The following SLC22A25 variants were observed in gnomAD, a reference collection of about 807,000 sequenced individuals.
SLC22A25 encodes solute carrier family 22 member 25.
Under a neutral mutation model 45.9 loss-of-function variants are expected in SLC22A25, and 44 were observed. The ratio of observed to expected loss-of-function variants is 0.96; its 90% CI spans 0.75 to 1.23. The LOEUF (loss-of-function observed/expected upper bound fraction) is 1.23. SLC22A25 is among the 50% of genes most tolerant of loss of function. The probability of loss-of-function intolerance (pLI) is 0.00; values close to 1 mark genes in which losing one functional copy is unlikely to be tolerated. For synonymous variants in SLC22A25, 283 were observed against 238.6 expected (o/e 1.19, Z -1.72); for missense variants, 800 against 666.4 (o/e 1.20, Z -2.21).
chr11:63,186,341 T>C (rs1030136926), intron 7 of SLC22A25, among the ~76,000 whole-genome samples: 2 of 151,632 alleles, frequency 1.3e-5, no homozygotes, highest in African/African-American at 2.4e-5. Context: ...ATAAATGTCT[T>C]CTTTTGAGAA....
At chr11:63,234,237 T>C (rs1233766353) in intron 3 of SLC22A25, among the ~76,000 whole-genome samples, 1 of 152,158 alleles carries the variant, frequency 6.6e-6, no homozygotes, top group African/African-American at 2.4e-5. Flanking sequence ...GACAGTGGGG[T>C]GTTAAAGTCT....
rs781533510 is a variant in SLC22A25 at position 63,217,452 on chromosome 11, G to A, written c.692C>T (p.Ala231Val). The A allele has an allele frequency of 1.2e-6, 2 of 1,614,044 alleles. No individual in the cohort carries two copies. Among genetic ancestry groups the A allele is most frequent in the Non-Finnish European group, 1.7e-6 (2 of 1,179,994 alleles). The stretch of plus-strand genomic sequence containing the variant: ...ACAAAGTGTCAATGTCAATGCCATG[G>A]CACAGAATTGGTGAGTTATCCACTC... Reference protein sequence around the residue: ...IVEWITHQFCAMALTLTLCAA... With the variant: ...IVEWITHQFCVMALTLTLCAA... The change falls in exon 7 of 12, where the codon GCC becomes GTC. Residue 231 changes from alanine to valine, a missense_variant. Ala to Val is a moderately conservative substitution (Grantham distance 64, BLOSUM62 0). Transcript: ENST00000306494.
rs114437066 is a variant in SLC22A25 at position 63,179,979 on chromosome 11, T to A, written c.1070+681A>T. Among the ~76,000 whole-genome samples the A allele has an allele frequency of 3.4e-3, 513 of 152,272 alleles. 2 individuals are homozygous for A. The highest frequency in any genetic ancestry group is 0.012 in the African/African-American group (491 of 41,574). On this transcript the variant is annotated intron_variant, in intron 9 of 11. Coordinates refer to ENST00000306494, the MANE Select transcript of SLC22A25 (RefSeq NM_199352.6). The stretch of plus-strand genomic sequence containing the variant: ...TCTTTCCTTCCCTGTGAGGGAAAAG[T>A]CATAGGCCAGGGTGTCCTCTCTTGG...
intron 9 of SLC22A25, among the ~76,000 whole-genome samples, chr11:63,171,171 A>G (rs999097642): frequency 6.6e-6 from 1 of 152,198 alleles, no homozygotes; most frequent in African/African-American, 2.4e-5. Flanking sequence ...TCAAAATAAT[A>G]AGAGCTATTT....
At chr11:63,240,087 C>T (rs1056190736) in intron 1 of SLC22A25, among the ~76,000 whole-genome samples, 4 of 152,246 alleles carry the variant, frequency 2.6e-5, no homozygotes, top group South Asian at 2.1e-4. Flanking sequence ...TCATATCCTG[C>T]AAACCTGTAC....
At chr11:63,165,971 A>G in intron 10 of SLC22A25, 73 bp downstream of exon 10, 2 of 1,525,426 alleles carry the variant, frequency 1.3e-6, no homozygotes, top group Non-Finnish European at 1.8e-6. Flanking sequence ...GGCTTCAGAT[A>G]GGTGTGACCA....
rs528333953 is a variant in SLC22A25 at position 63,219,177 on chromosome 11, G to C, written c.507-1442C>G. Among the ~76,000 whole-genome samples, 3 of 152,222 alleles carry C rather than the reference G, an allele frequency of 2.0e-5. No homozygotes were observed. In the South Asian group the frequency reaches 6.2e-4, roughly 32 times the overall value. On this transcript the variant is annotated intron_variant, in intron 5 of 11. Coordinates refer to ENST00000306494, the MANE Select transcript of SLC22A25 (RefSeq NM_199352.6). ...GAATAAATTTAATGGAAAAATGCATGACTTTTTTCTATAAACCATAAAATA... is the reference window on the plus strand; with the variant it reads ...GAATAAATTTAATGGAAAAATGCATCACTTTTTTCTATAAACCATAAAATA...
At chr11:63,192,729 A>T (rs191198186) in intron 7 of SLC22A25, among the ~76,000 whole-genome samples, 87 of 152,328 alleles carry the variant, frequency 5.7e-4, no homozygotes, top group Non-Finnish European at 5.4e-4. Context: ...ACAAACATGA[A>T]ATAGAGAAAG....
intron 7 of SLC22A25, among the ~76,000 whole-genome samples, chr11:63,185,308 C>T (rs2134741193): frequency 6.6e-6 from 1 of 151,888 alleles, no homozygotes; most frequent in South Asian, 2.1e-4. Context: ...CCACAACAGG[C>T]CCTGGTGAGT....
At chr11:63,180,341 C>G (rs1269616558) in intron 9 of SLC22A25, among the ~76,000 whole-genome samples, 1 of 152,054 alleles carries the variant, frequency 6.6e-6, no homozygotes. Context: ...ATATGATTTG[C>G]TGTTTATAAA....
chr11:63,166,978 C>T (rs370961357), intron 9 of SLC22A25: 40 of 499,632 alleles, frequency 8.0e-5, no homozygotes, highest in Non-Finnish European at 1.0e-4. Flanking sequence ...CTGAGGTACC[C>T]GGTTCATCTC....
At chr11:63,219,955 G>A in intron 5 of SLC22A25, 1 of 1,289,278 alleles carries the variant, frequency 7.8e-7, no homozygotes. Context: ...GCTGGTGGAT[G>A]GCAATGGGCA....
chr11:63,166,009 A>G, intron 10 of SLC22A25, 35 bp downstream of exon 10: 2 of 1,607,416 alleles, frequency 1.2e-6, no homozygotes, highest in South Asian at 2.2e-5. Context: ...AGAGGGAAAG[A>G]CATTTTCTTT....
intron 7 of SLC22A25, among the ~76,000 whole-genome samples, chr11:63,211,927 G>C (rs1177936232): frequency 6.6e-6 from 1 of 152,022 alleles, no homozygotes; most frequent in Admixed American, 6.5e-5. Context: ...ATCTGACAAA[G>C]GGCTAATATC....
In SLC22A25 at chr11:63,217,371, T is replaced by C. The variant is rs1565113215; in HGVS notation, c.773A>G (p.Gln258Arg). ...AGACATCACCAACTGGAGGATGCAC[T>C]GGTCTCGAATGACAAAAGCCAGGCT... ...LGSLAFVIRD[Q>R]CILQLVMSAP... Residue 258 changes from glutamine (Q) to arginine (R), a missense_variant, in exon 7 of 12, where the codon CAG (glutamine) becomes CGG (arginine). Physicochemically the swap from Gln to Arg is conservative, Grantham distance 43 (BLOSUM62 1). Transcript: ENST00000306494. 3.1e-6 allele frequency: 5 copies of C among 1,614,010 alleles called. No homozygotes were observed. The highest frequency in any genetic ancestry group is 4.2e-6 in the Non-Finnish European group (5 of 1,180,000).
At chr11:63,179,654 G>A (rs984664018) in intron 9 of SLC22A25, among the ~76,000 whole-genome samples, 5 of 152,074 alleles carry the variant, frequency 3.3e-5, no homozygotes, top group African/African-American at 4.8e-5. Context: ...TGCGTGTGGG[G>A]TCCTACTGGC....
At chr11:63,185,306 G>C (rs1457042670) in intron 7 of SLC22A25, among the ~76,000 whole-genome samples, 1 of 151,638 alleles carries the variant, frequency 6.6e-6, no homozygotes, top group Non-Finnish European at 1.5e-5. Context: ...CCCCACAACA[G>C]GCCCTGGTGA....
chr11:63,192,553 A>T (rs889856067), intron 7 of SLC22A25, among the ~76,000 whole-genome samples: 6 of 152,188 alleles, frequency 3.9e-5, no homozygotes, highest in South Asian at 2.1e-4. Flanking sequence ...AAATCTGGAT[A>T]AAAAAACAAG....
intron 7 of SLC22A25, among the ~76,000 whole-genome samples, chr11:63,215,381 A>G (rs1252723498): frequency 6.6e-6 from 1 of 152,172 alleles, no homozygotes; most frequent in Non-Finnish European, 1.5e-5. Context: ...GAGTTGAACA[A>G]TGAGGACACA....
Sources: allele counts gnomAD v4.1 joint callset (sites outside exome capture counted in the v4.1 genomes callset), GRCh38; gene constraint gnomAD v4.1.1; transcripts MANE v1.5; gene names NCBI Gene and HGNC (gene_info 2026-07-23, HGNC 2026-07-21).